PRCP: variants seen among roughly 807,000 people sequenced by gnomAD.
PRCP encodes the protein lysosomal Pro-X carboxypeptidase.
A neutral mutation model predicts 54.2 loss-of-function variants in PRCP; 46 were observed. The ratio of observed to expected loss-of-function variants is 0.85; its 90% confidence interval spans 0.67 to 1.09. The LOEUF (loss-of-function observed/expected upper bound fraction) is 1.09. Ranked by LOEUF, PRCP falls within the 50% of genes least tolerant of loss-of-function variation. The pLI is 0.00. For synonymous variants in PRCP, 240 were observed against 212.2 expected (o/e 1.13, Z -1.14); for missense variants, 613 against 596.8 (o/e 1.03, Z -0.28).
chr11:82,828,091 T>C (rs1322111949), intron 8 of PRCP: 5 of 152,212 alleles, frequency 3.3e-5, no homozygotes, highest in East Asian at 1.9e-4. Flanking sequence ...CATTTGTTCA[T>C]TGTAACAACC....
intron 2 of PRCP, among the ~76,000 whole-genome samples, chr11:82,855,104 T>C (rs914620348): frequency 1.3e-5 from 2 of 152,110 alleles, no homozygotes; most frequent in African/African-American, 4.8e-5. Flanking sequence ...GAAATACCAT[T>C]CTGGACATCA....
intron 1 of PRCP, among the ~76,000 whole-genome samples, chr11:82,861,985 C>A (rs1053065391): frequency 6.6e-6 from 1 of 151,872 alleles, no homozygotes; most frequent in Admixed American, 6.6e-5. Context: ...CAACATGATA[C>A]TCAAGGGAAA....
intron 1 of PRCP, among the ~76,000 whole-genome samples, chr11:82,881,783 C>T (rs952504320): frequency 1.3e-5 from 2 of 152,036 alleles, no homozygotes; most frequent in African/African-American, 4.8e-5. Flanking sequence ...TTTTCTATCC[C>T]ATGTGAACAG....
intron 7 of PRCP, 119 bp from the exon 8 acceptor site, chr11:82,838,693 C>G (rs1858589301): frequency 1.1e-6 from 1 of 902,738 alleles, no homozygotes; most frequent in Admixed American, 2.9e-5. Flanking sequence ...TCAGGCAAGG[C>G]AGCTTCAACG....
At chr11:82,876,680 A>C (rs1294368785) in intron 1 of PRCP, among the ~76,000 whole-genome samples, 2 of 152,152 alleles carry the variant, frequency 1.3e-5, no homozygotes, top group African/African-American at 4.8e-5. Flanking sequence ...ACCATGTAAG[A>C]AGCGCCTTTC....
chr11:82,855,488 G>A lies in PRCP; in HGVS notation c.310-2210C>T, dbSNP rs180843587. On this transcript the variant is annotated intron_variant, in intron 2 of 8. Transcript: ENST00000313010. ...AAAAAACTTAGCCGGGCGTGGTGGC[G>A]GGCACCTGTAGTCCCAGCTACTCGG... 2.6e-3 allele frequency among the ~76,000 whole-genome samples: 397 copies of A among 152,076 alleles called. 1 individual carries two copies. The highest frequency in any genetic ancestry group is 8.6e-3 in the African/African-American group (359 of 41,512).
At chr11:82,888,467 T>A (rs1859920125) in intron 1 of PRCP, among the ~76,000 whole-genome samples, 1 of 152,220 alleles carries the variant, frequency 6.6e-6, no homozygotes, top group African/African-American at 2.4e-5. Flanking sequence ...AAGTTTACTT[T>A]AACACTCCAA....
intron 8 of PRCP, among the ~76,000 whole-genome samples, chr11:82,832,113 A>G (rs1591035476): frequency 6.6e-6 from 1 of 152,288 alleles, no homozygotes; most frequent in East Asian, 1.9e-4. Flanking sequence ...TATCTAGTCA[A>G]TCATTGATGG....
chr11:82,878,644 CTT>C (rs1216108504), intron 1 of PRCP, among the ~76,000 whole-genome samples: 8 of 152,136 alleles, frequency 5.3e-5, no homozygotes, highest in African/African-American at 1.9e-4. Flanking sequence ...CACTGAGGGT[CTT>C]TATAATTCAG....
intron 1 of PRCP, among the ~76,000 whole-genome samples, chr11:82,895,342 T>C (rs1860094474): frequency 6.6e-6 from 1 of 152,186 alleles, no homozygotes; most frequent in African/African-American, 2.4e-5. Flanking sequence ...AGTTGTTTTT[T>C]GTTTTTTGTA....
intron 1 of PRCP, among the ~76,000 whole-genome samples, chr11:82,871,120 A>G (rs758727549): frequency 2.0e-5 from 3 of 151,868 alleles, no homozygotes; most frequent in Non-Finnish European, 4.4e-5. Context: ...TTTGTTAAAC[A>G]TAAGATGATG....
rs1342926598 is a variant in PRCP at position 82,900,364 on chromosome 11, A to G, written c.39T>C (p.Phe13=). 2 of 1,614,044 alleles carry G rather than the reference A, an allele frequency of 1.2e-6. No homozygotes were observed. Among genetic ancestry groups the G allele is most frequent in the East Asian group, 4.5e-5 (2 of 44,890 alleles). The change falls in exon 1 of 9, where the codon TTT becomes TTC. Residue 13 remains phenylalanine (F), a synonymous_variant. Coordinates refer to ENST00000313010, the MANE Select transcript of PRCP (RefSeq NM_005040.4). ...RRALLLLLLS[F]LAPWATIALR... ...GGGCTATGGTGGCCCAGGGCGCCAG[A>G]AAAGACAGAAGCAGGAGCAGGAGGG...
In PRCP at chr11:82,824,698, T is replaced by C. The variant is rs554923914; in HGVS notation, c.*208A>G. ...GGAGAGCTATCAAGAAGATTCTTCC[T>C]AGACGTGGTGCAAAGACAGTGAGAA... is the stretch of plus-strand genomic sequence containing the variant. On this transcript the variant is annotated 3_prime_UTR_variant, in exon 9 of 9. Coordinates refer to ENST00000313010, the MANE Select transcript of PRCP (RefSeq NM_005040.4). The C allele has an allele frequency of 5.3e-6, 3 of 560,898 alleles. 1 individual carries two copies. In the South Asian group the frequency reaches 6.1e-5, roughly 11 times the overall value. 34.7% of individuals were successfully genotyped at this position (560,898 alleles called of 1,614,324 possible).
At chr11:82,897,366 G>A (rs1490178248) in intron 1 of PRCP, among the ~76,000 whole-genome samples, 1 of 152,162 alleles carries the variant, frequency 6.6e-6, no homozygotes, top group Non-Finnish European at 1.5e-5. Flanking sequence ...GAATAATCAT[G>A]CATTCACTCT....
At chr11:82,873,488 C>T (rs1389810707) in intron 1 of PRCP, among the ~76,000 whole-genome samples, 1 of 152,210 alleles carries the variant, frequency 6.6e-6, no homozygotes, top group African/African-American at 2.4e-5. Context: ...TATTCTATTG[C>T]TACCCTTTTC....
chr11:82,856,123 T>C (rs928306153), intron 2 of PRCP, among the ~76,000 whole-genome samples: 1 of 152,112 alleles, frequency 6.6e-6, no homozygotes, highest in East Asian at 1.9e-4. Flanking sequence ...CTGGGCAACA[T>C]AGTGAAACCC....
At chr11:82,884,820 T>C (rs746612028) in intron 1 of PRCP, 7 of 1,612,856 alleles carry the variant, frequency 4.3e-6, no homozygotes, top group Middle Eastern at 1.6e-4. Context: ...AAATAACACC[T>C]ACCAGAGGAG....
intron 1 of PRCP, among the ~76,000 whole-genome samples, chr11:82,868,353 T>G (rs535688646): frequency 1.9e-4 from 29 of 152,336 alleles, no homozygotes; most frequent in African/African-American, 6.3e-4. Flanking sequence ...TTAAAAATAC[T>G]TATTGAGTGC....
At position 82,849,068 on chromosome 11, in the gene PRCP, A is replaced by G. The variant is rs1483399926; in HGVS notation, c.902T>C (p.Leu301Ser). Residue 301 changes from leucine (L) to serine (S), a missense_variant, in exon 6 of 9, where the codon TTG (leucine) becomes TCG (serine). Coordinates refer to ENST00000313010, the MANE Select transcript of PRCP (RefSeq NM_005040.4). ...TATTACCTTGATAGGCCAAGCAGGC[A>G]AAGGCTGTAAAAAGTTAGAGGCATA... ...YPYASNFLQP[L>S]PAWPIKVVCQ... The G allele has an allele frequency of 6.2e-7, 1 of 1,613,922 alleles. No homozygotes were observed. The highest frequency in any genetic ancestry group is 1.7e-5 in the Admixed American group (1 of 59,990).
Sources: allele counts gnomAD v4.1 joint callset (sites outside exome capture counted in the v4.1 genomes callset), GRCh38; gene constraint gnomAD v4.1.1; transcripts MANE v1.5; gene names NCBI Gene and HGNC (gene_info 2026-07-23, HGNC 2026-07-21).